The following PLCB4 variants were observed in gnomAD, a reference collection of about 807,000 sequenced individuals.
PLCB4 encodes 1-phosphatidylinositol 4,5-bisphosphate phosphodiesterase beta-4.
In PLCB4, 77 loss-of-function variants were observed where a neutral mutation model predicts 178.8. The ratio of observed to expected loss-of-function variants is 0.43; its 90% CI spans 0.36 to 0.52. The LOEUF (loss-of-function observed/expected upper bound fraction) is 0.52, where lower values mean the gene tolerates loss of function less well. Ranked by LOEUF, PLCB4 falls within the 20% of genes least tolerant of loss-of-function variation. PLCB4 has a pLI of 0.00. For missense variants in PLCB4, 1,024 were observed against 1,453.4 expected (o/e 0.70, Z 4.80); for synonymous variants, 496 against 490.8 (o/e 1.01, Z -0.14).
intron 2 of PLCB4, among the ~76,000 whole-genome samples, chr20:9,142,738 T>G (rs1229308754): frequency 6.6e-6 from 1 of 152,112 alleles, no homozygotes; most frequent in Non-Finnish European, 1.5e-5. Flanking sequence ...TGTTCCTGCT[T>G]GAGCCCTTGC....
At chr20:9,287,312 T>A (rs915000104) in intron 3 of PLCB4, among the ~76,000 whole-genome samples, 1 of 152,032 alleles carries the variant, frequency 6.6e-6, no homozygotes, top group Non-Finnish European at 1.5e-5. Flanking sequence ...CAGAAGGGAT[T>A]ATGAAGATAA....
intron 37 of PLCB4, 63 bp from the exon 38 acceptor site, chr20:9,473,216 A>G: frequency 1.0e-6 from 1 of 973,358 alleles, no homozygotes; most frequent in Non-Finnish European, 1.5e-6. Flanking sequence ...GTCATCTCTC[A>G]TCCCTGTTTT....
At chr20:9,422,437 A>G (rs2040708419) in intron 27 of PLCB4, among the ~76,000 whole-genome samples, 1 of 152,178 alleles carries the variant, frequency 6.6e-6, no homozygotes, top group South Asian at 2.1e-4. Context: ...AATTACATGC[A>G]TAGCTGTGAT....
intron 27 of PLCB4, 82 bp from the exon 28 acceptor site, chr20:9,423,666 T>G: frequency 2.0e-6 from 2 of 1,022,096 alleles, no homozygotes; most frequent in Admixed American, 1.9e-5. Context: ...AAGAACAGCA[T>G]GGATTTGGTC....
At chr20:9,274,944 A>G (rs1223322987) in intron 3 of PLCB4, among the ~76,000 whole-genome samples, 1 of 152,066 alleles carries the variant, frequency 6.6e-6, no homozygotes, top group African/African-American at 2.4e-5. Context: ...AAATATAACC[A>G]TGCTTAAGAT....
At chr20:9,392,494 A>G (rs921046557) in intron 17 of PLCB4, among the ~76,000 whole-genome samples, 7 of 152,272 alleles carry the variant, frequency 4.6e-5, no homozygotes, top group African/African-American at 1.4e-4. Flanking sequence ...AAGTGTTTCC[A>G]TTTGATTTAG....
At chr20:9,435,914 T>G (rs2041737453) in intron 29 of PLCB4, among the ~76,000 whole-genome samples, 1 of 152,166 alleles carries the variant, frequency 6.6e-6, no homozygotes, top group Non-Finnish European at 1.5e-5. Context: ...ATGCAAAACA[T>G]TTGTTATACT....
At chr20:9,436,197 A>G (rs927524706) in intron 29 of PLCB4, among the ~76,000 whole-genome samples, 3 of 152,230 alleles carry the variant, frequency 2.0e-5, no homozygotes, top group Non-Finnish European at 4.4e-5. Flanking sequence ...CATTATGTAT[A>G]TGTAAATGTT....
intron 1 of PLCB4, among the ~76,000 whole-genome samples, chr20:9,074,166 A>G (rs140914175): frequency 2.6e-5 from 4 of 152,278 alleles, no homozygotes; most frequent in Non-Finnish European, 5.9e-5. Flanking sequence ...GACCCTGGGC[A>G]TTCACTCTGA....
intron 3 of PLCB4, among the ~76,000 whole-genome samples, chr20:9,301,084 C>T (rs1030665064): frequency 1.3e-5 from 2 of 151,374 alleles, no homozygotes; most frequent in Non-Finnish European, 2.9e-5. Flanking sequence ...GCATTTCCTC[C>T]TCCTCTTCTG....
chr20:9,321,689 C>T (rs1451306337), intron 4 of PLCB4, among the ~76,000 whole-genome samples: 7 of 151,922 alleles, frequency 4.6e-5, no homozygotes, highest in African/African-American at 7.2e-5. Flanking sequence ...GCTAGAGTGC[C>T]GTGGCATGCT....
chr20:9,462,525 G>A (rs1333480236), intron 35 of PLCB4, among the ~76,000 whole-genome samples: 1 of 152,142 alleles, frequency 6.6e-6, no homozygotes, highest in Non-Finnish European at 1.5e-5. Context: ...TTGAAAAAAG[G>A]CTAGATGAAT....
rs560537760 is a variant in PLCB4, at chr20:9,317,184, A to G, written c.84+9286A>G. Among the ~76,000 whole-genome samples, 46 of 152,306 alleles carry G rather than the reference A, an allele frequency of 3.0e-4. 1 individual carries two copies. In the Middle Eastern group the frequency reaches 0.01, roughly 34 times the overall value. ...AGAAATGAGTAACAAATTGGTTTTGATGGTAATGGTAGTAATGAAATAATT... is the reference window on the plus strand; with the variant it reads ...AGAAATGAGTAACAAATTGGTTTTGGTGGTAATGGTAGTAATGAAATAATT... On this transcript the variant is annotated intron_variant, in intron 4 of 39. Transcript: ENST00000378473.
chr20:9,113,868 G>A (rs1054664872), intron 2 of PLCB4, among the ~76,000 whole-genome samples: 1 of 152,112 alleles, frequency 6.6e-6, no homozygotes, highest in Non-Finnish European at 1.5e-5. Context: ...GTTGCATGCA[G>A]CAGGGTAGAA....
intron 3 of PLCB4, among the ~76,000 whole-genome samples, chr20:9,302,391 T>C (rs981479515): frequency 2.6e-5 from 4 of 152,048 alleles, no homozygotes; most frequent in Non-Finnish European, 5.9e-5. Context: ...ATTGGCTGGG[T>C]CAACATTTTC....
intron 2 of PLCB4, among the ~76,000 whole-genome samples, chr20:9,114,979 C>T (rs1168512744): frequency 6.6e-6 from 1 of 152,162 alleles, no homozygotes; most frequent in Non-Finnish European, 1.5e-5. Context: ...TGACTATGAA[C>T]TTCACAGAGT....
intron 2 of PLCB4, among the ~76,000 whole-genome samples, chr20:9,171,994 G>A (rs1488812499): frequency 1.3e-5 from 2 of 152,130 alleles, no homozygotes; most frequent in African/African-American, 2.4e-5. Context: ...TTAACAGGAG[G>A]ATTATATTAA....
rs2090871370 is a variant in PLCB4 at position 9,095,481 on chromosome 20, T to C, written c.-134-806T>C. ...GTGAACATTATCCCATGGGTCATTT[T>C]AATTAGATTTGACCGGAAACAGTTT... On this transcript the variant is annotated intron_variant, in intron 1 of 39. Coordinates refer to ENST00000378473, the MANE Select transcript of PLCB4 (RefSeq NM_001377142.1). Among the ~76,000 whole-genome samples, 5 of 152,346 alleles carry C rather than the reference T, an allele frequency of 3.3e-5. 1 individual carries two copies. In the South Asian group the frequency reaches 1.0e-3, roughly 32 times the overall value.
chr20:9,359,140 G>A (rs981972170), intron 7 of PLCB4, among the ~76,000 whole-genome samples: 8 of 152,152 alleles, frequency 5.3e-5, no homozygotes, highest in Non-Finnish European at 1.5e-5. Context: ...TTTGGTTTGT[G>A]TTTGTTGTAT....
Sources: allele counts gnomAD v4.1 joint callset (sites outside exome capture counted in the v4.1 genomes callset), GRCh38; gene constraint gnomAD v4.1.1; transcripts MANE v1.5; gene names NCBI Gene and HGNC (gene_info 2026-07-23, HGNC 2026-07-21).